Variants in ABHD13 observed in about 807,000 individuals in gnomAD.
ABHD13 encodes protein ABHD13.
In ABHD13, 7 loss-of-function variants were observed where a neutral mutation model predicts 25.2. The observed-to-expected ratio is 0.28, with a 90% CI of 0.16 to 0.52. ABHD13 has a LOEUF of 0.52. Among genes scored for constraint, ABHD13 ranks in the 20% least tolerant of loss-of-function variants. The pLI, the probability that ABHD13 is intolerant of heterozygous loss-of-function variation, is 0.96. For synonymous variants in ABHD13, 133 were observed against 136.1 expected (o/e 0.98, Z 0.16); for missense variants, 302 against 402.7 (o/e 0.75, Z 2.14).
rs1055109627 is a variant in ABHD13 at position 108,232,827 on chromosome 13, C to A, written c.*2595C>A. Reference sequence around the variant, plus strand: ...GGTGAAAAAGAAATATAAAAAGGACCCTAAAAAGAATTCTGCAAAATAAGA... The same window carrying A: ...GGTGAAAAAGAAATATAAAAAGGACACTAAAAAGAATTCTGCAAAATAAGA... On this transcript the variant is annotated 3_prime_UTR_variant, in exon 2 of 2. Transcript: ENST00000375898. 1 of 166,306 alleles carries A rather than the reference C, an allele frequency of 6.0e-6. No individual in the cohort carries two copies. Among genetic ancestry groups the A allele is most frequent in the Non-Finnish European group, 1.5e-5 (1 of 67,902 alleles). The allele number at this position is 166,306 out of a possible 1,614,324, so 10.3% of individuals were successfully genotyped here.
At chr13:108,222,035 T>C (rs1339309056) in intron 1 of ABHD13, among the ~76,000 whole-genome samples, 2 of 152,020 alleles carry the variant, frequency 1.3e-5, no homozygotes, top group Non-Finnish European at 2.9e-5. Context: ...AGACGGTGTT[T>C]TACCATGTTG....
chr13:108,224,692 C>T (rs1373660982), intron 1 of ABHD13, among the ~76,000 whole-genome samples: 1 of 152,070 alleles, frequency 6.6e-6, no homozygotes, highest in Non-Finnish European at 1.5e-5. Flanking sequence ...CTAGACGGCT[C>T]TTATTTTTAG....
chr13:108,219,778 C>G (rs975355241), intron 1 of ABHD13, among the ~76,000 whole-genome samples: 3 of 152,192 alleles, frequency 2.0e-5, no homozygotes, highest in African/African-American at 7.2e-5. Flanking sequence ...TTTGCACAAA[C>G]TACAGAATGT....
At chr13:108,222,142 A>G (rs1594488235) in intron 1 of ABHD13, among the ~76,000 whole-genome samples, 1 of 152,156 alleles carries the variant, frequency 6.6e-6, no homozygotes, top group South Asian at 2.1e-4. Flanking sequence ...GCCTGGCCCA[A>G]TGTACACTTT....
intron 1 of ABHD13, among the ~76,000 whole-genome samples, chr13:108,226,912 G>A (rs964372896): frequency 6.6e-5 from 10 of 152,216 alleles, no homozygotes; most frequent in African/African-American, 2.2e-4. Flanking sequence ...AAGGCAATCC[G>A]TGAGTGGAGT....
rs752456357 is a variant in ABHD13, at chr13:108,229,623, A to G, written c.405A>G (p.Leu135=). The change falls in exon 2 of 2, where the codon TTA becomes TTG. Residue 135 remains leucine (L), a synonymous_variant. Coordinates refer to ENST00000375898, the MANE Select transcript of ABHD13 (RefSeq NM_032859.3). This position sits in a 1 kb window ranked among gnomAD's most constrained non-coding sequence, Gnocchi z 4.7. The stretch of plus-strand genomic sequence containing the variant: ...TAGGTCACAGGTTGCCAAATGCATT[A>G]CTTATGTTGGTTAACCTCAAAGTTA... ...GNIGHRLPNA[L]LMLVNLKVNL... The G allele has an allele frequency of 6.8e-6, 11 of 1,613,342 alleles. No individual in the cohort carries two copies. In the East Asian group the frequency reaches 2.5e-4, roughly 36 times the overall value.
intron 1 of ABHD13, among the ~76,000 whole-genome samples, chr13:108,227,079 T>G (rs2139012412): frequency 6.6e-6 from 1 of 152,240 alleles, no homozygotes; most frequent in East Asian, 1.9e-4. Context: ...CCGACTTCCA[T>G]AGTGCAACAA....
intron 1 of ABHD13, among the ~76,000 whole-genome samples, chr13:108,220,184 T>TCTCCTTTCCATTGCACCACACTGC (rs1336624824): frequency 6.6e-6 from 1 of 152,256 alleles, no homozygotes; most frequent in East Asian, 1.9e-4. Context: ...CAAAACACTG[T>TCTCCTTTCCATTGCACCACACTGC]CTCCTTTCCA....
In ABHD13 at chr13:108,218,563, G is replaced by A. The variant is rs1356247874; in HGVS notation, c.-117G>A. On this transcript the variant is annotated 5_prime_UTR_variant, in exon 1 of 2. Transcript: ENST00000375898. Reference sequence around the variant, plus strand: ...GGCAGCGGCCCCTGGGCTGGAGGAGGATGATGAGGAGCGACGGAAGCGACG... The same window carrying A: ...GGCAGCGGCCCCTGGGCTGGAGGAGAATGATGAGGAGCGACGGAAGCGACG... The A allele has an allele frequency of 6.6e-6, 1 of 152,194 alleles. No individual in the cohort carries two copies. The highest frequency in any genetic ancestry group is 1.5e-5 in the Non-Finnish European group (1 of 68,064). 9.4% of individuals were successfully genotyped at this position (152,194 alleles called of 1,614,324 possible).
At chr13:108,220,460 G>A (rs1198042338) in intron 1 of ABHD13, among the ~76,000 whole-genome samples, 1 of 152,134 alleles carries the variant, frequency 6.6e-6, no homozygotes, top group East Asian at 1.9e-4. Context: ...TCTGTTTAAT[G>A]TATTACCCAG....
intron 1 of ABHD13, among the ~76,000 whole-genome samples, chr13:108,222,315 A>G (rs1043212325): frequency 6.6e-6 from 1 of 152,072 alleles, no homozygotes; most frequent in African/African-American, 2.4e-5. Context: ...ATTTACTCCT[A>G]TACTTTTGAG....
rs1329977094 is a variant in ABHD13 at position 108,232,995 on chromosome 13, A to G, written c.*2763A>G. The G allele has an allele frequency of 1.2e-5, 2 of 166,934 alleles. No homozygotes were observed. The highest frequency in any genetic ancestry group is 2.9e-5 in the Non-Finnish European group (2 of 67,990). The allele number at this position is 166,934 out of a possible 1,614,324, so 10.3% of individuals were successfully genotyped here. On this transcript the variant is annotated 3_prime_UTR_variant, in exon 2 of 2. Coordinates refer to ENST00000375898, the MANE Select transcript of ABHD13 (RefSeq NM_032859.3). Reference sequence around the variant, plus strand: ...AAAGGAAATCATGCAAAACATTTGAATGCAAAGCATTTCTAACAAAAAGTG... The same window carrying G: ...AAAGGAAATCATGCAAAACATTTGAGTGCAAAGCATTTCTAACAAAAAGTG...
At chr13:108,222,250 C>T (rs1384378588) in intron 1 of ABHD13, among the ~76,000 whole-genome samples, 1 of 152,044 alleles carries the variant, frequency 6.6e-6, no homozygotes, top group Non-Finnish European at 1.5e-5. Flanking sequence ...ATCTATGATA[C>T]AATAGATTTG....
Position 108,230,683 on chromosome 13 carries a change from T to G in ABHD13, c.*451T>G, listed in dbSNP as rs1879784075. 5.9e-6 allele frequency: 1 copy of G among 170,610 alleles called. No homozygotes were observed. Among genetic ancestry groups the G allele is most frequent in the Non-Finnish European group, 1.4e-5 (1 of 70,552 alleles). The allele number at this position is 170,610 out of a possible 1,614,324, so 10.6% of individuals were successfully genotyped here. On this transcript the variant is annotated 3_prime_UTR_variant, in exon 2 of 2. Coordinates refer to ENST00000375898, the MANE Select transcript of ABHD13 (RefSeq NM_032859.3). ...CTTAAAAGTTAAATGAAATGCATGA[T>G]GGTATTTTATTCCTTGAATTATGCA...
At chr13:108,219,647 A>G (rs1879506192) in intron 1 of ABHD13, among the ~76,000 whole-genome samples, 1 of 152,234 alleles carries the variant, frequency 6.6e-6, no homozygotes, top group Admixed American at 6.5e-5. Context: ...CCCACTATGC[A>G]TCAGGCACTG....
At position 108,228,172 on chromosome 13, in the gene ABHD13, A is replaced by T. The variant is rs145246663; in HGVS notation, c.-20-1027A>T. 6.3e-4 allele frequency among the ~76,000 whole-genome samples: 96 copies of T among 151,682 alleles called. No homozygotes were observed. In the East Asian group the frequency reaches 0.016, roughly 26 times the overall value. On this transcript the variant is annotated intron_variant, in intron 1 of 1. Transcript: ENST00000375898. ...TAAGACAACATGTATAAACCTTTTG[A>T]TAACAAAAAATTCTCTTTTAATAGT...
chr13:108,234,029 T>C lies in ABHD13; in HGVS notation c.*3797T>C, dbSNP rs1020667426. On this transcript the variant is annotated 3_prime_UTR_variant, in exon 2 of 2. Coordinates refer to ENST00000375898, the MANE Select transcript of ABHD13 (RefSeq NM_032859.3). The stretch of plus-strand genomic sequence containing the variant: ...GTATGTTCAGTATAAAATAAGTTAA[T>C]CCCATTTCATAATGTAAATCATATT... The C allele has an allele frequency of 1.8e-5, 3 of 166,876 alleles. No individual in the cohort carries two copies. The highest frequency in any genetic ancestry group is 4.4e-5 in the Non-Finnish European group (3 of 67,970). 10.3% of individuals were successfully genotyped at this position (166,876 alleles called of 1,614,324 possible). A position where few individuals can be genotyped will look rare whatever the true frequency, so the allele number is the denominator to read the frequency against.
chr13:108,219,820 A>ATGGAC (rs1879513547), intron 1 of ABHD13, among the ~76,000 whole-genome samples: 1 of 152,202 alleles, frequency 6.6e-6, no homozygotes, highest in African/African-American at 2.4e-5. Context: ...TAGGGGTCCA[A>ATGGAC]GGAAAGCTTT....
At chr13:108,225,939 C>A (rs573306004) in intron 1 of ABHD13, among the ~76,000 whole-genome samples, 2 of 152,044 alleles carry the variant, frequency 1.3e-5, no homozygotes, top group African/African-American at 4.8e-5. Context: ...TTTATGATGC[C>A]AAGATGTTAT....
Sources: allele counts gnomAD v4.1 joint callset (sites outside exome capture counted in the v4.1 genomes callset), GRCh38; gene constraint gnomAD v4.1.1; non-coding constraint Gnocchi (gnomAD v3.1); transcripts MANE v1.5; gene names NCBI Gene and HGNC (gene_info 2026-07-23, HGNC 2026-07-21).